Variants in SEM1 observed in about 807,000 individuals in gnomAD.
SEM1 encodes SEM1 26S proteasome subunit.
SEM1 carries 3 observed loss-of-function variants against 12.7 expected under a neutral mutation model. That is an observed-to-expected ratio of 0.24 (90% CI 0.11 to 0.61). The LOEUF is 0.61. Among genes scored for constraint, SEM1 ranks in the 20% least tolerant of loss-of-function variants. The pLI is 0.88. For missense variants in SEM1, 59 were observed against 81.3 expected, an observed-to-expected ratio of 0.73 and a Z score of 1.06; for synonymous variants, 30 against 27.8, an observed-to-expected ratio of 1.08 and a Z score of -0.25.
intron 1 of SEM1, among the ~76,000 whole-genome samples, chr7:96,706,897 A>G (rs1366393684): frequency 6.6e-6 from 1 of 152,146 alleles, no homozygotes; most frequent in Non-Finnish European, 1.5e-5. Context: ...AACAACACCA[A>G]TTTTAATTTG....
chr7:96,539,152 G>C (rs139617968), intron 2 of SEM1, among the ~76,000 whole-genome samples: 293 of 151,898 alleles, frequency 1.9e-3, no homozygotes, highest in Non-Finnish European at 3.4e-3. Context: ...GCCAGCAACT[G>C]TATGGATGAG....
chr7:96,619,842 T>C (rs1046203551), downstream of SEM1, among the ~76,000 whole-genome samples: 2 of 152,018 alleles, frequency 1.3e-5, no homozygotes, highest in African/African-American at 4.8e-5. Flanking sequence ...TTCCCCTAGA[T>C]GGGTGGCAGG....
chr7:96,648,886 T>A (rs1808882121), intron 2 of SEM1, among the ~76,000 whole-genome samples: 2 of 152,224 alleles, frequency 1.3e-5, no homozygotes, highest in South Asian at 4.1e-4. Flanking sequence ...ATATATCAGC[T>A]GTCTGAGCTT....
chr7:96,685,418 G>A (rs141978218), downstream of SEM1, among the ~76,000 whole-genome samples: 229 of 152,062 alleles, frequency 1.5e-3, no homozygotes, highest in African/African-American at 5.3e-3. Flanking sequence ...CTACCATGGA[G>A]TAAATTTGCA....
chr7:96,527,728 G>A (rs1804512671), intron 2 of SEM1, among the ~76,000 whole-genome samples: 1 of 152,042 alleles, frequency 6.6e-6, no homozygotes, highest in Admixed American at 6.6e-5. Context: ...GGTAAATTAT[G>A]CTTTTCATGA....
chr7:96,604,388 G>A lies in SEM1; in HGVS notation c.170+90410C>T, dbSNP rs75391709. 3.8e-3 allele frequency among the ~76,000 whole-genome samples: 586 copies of A among 152,242 alleles called. 3 individuals carry two copies. Among genetic ancestry groups the A allele is most frequent in the African/African-American group, 0.013 (554 of 41,534 alleles). ...TGGTTGCCCCCTTTCATCAACATCAGTAGGTTGATAACCTCTGATGTCCCT... is the reference window on the plus strand; with the variant it reads ...TGGTTGCCCCCTTTCATCAACATCAATAGGTTGATAACCTCTGATGTCCCT... On this transcript the variant is annotated intron_variant and NMD_transcript_variant, in intron 2 of 3. Transcript: ENST00000466986.
At chr7:96,583,210 T>G (rs1402139760) in intron 2 of SEM1, among the ~76,000 whole-genome samples, 1 of 150,000 alleles carries the variant, frequency 6.7e-6, no homozygotes, top group Admixed American at 6.7e-5. Flanking sequence ...TCTTTATTTC[T>G]GCCTTCATTT....
At chr7:96,483,595 G>C (rs1383002816) in exon 4 of SEM1, 1 of 447,140 alleles carries the variant, frequency 2.2e-6, no homozygotes, top group East Asian at 4.6e-5. Context: ...CAGCCTGTTG[G>C]AGAAGTCACT....
At chr7:96,695,503 T>G (rs1203848661) in intron 1 of SEM1, 1 of 151,958 alleles carries the variant, frequency 6.6e-6, no homozygotes, top group African/African-American at 2.4e-5. Context: ...TTTAGAATGG[T>G]GAGAAAGTAC....
chr7:96,680,293 T>A (rs1165981662), intron 2 of SEM1, among the ~76,000 whole-genome samples: 1 of 152,036 alleles, frequency 6.6e-6, no homozygotes, highest in Non-Finnish European at 1.5e-5. Context: ...TGAATCCTTA[T>A]CTCTATTCTA....
chr7:96,506,439 G>A (rs1174843334), intron 3 of SEM1, among the ~76,000 whole-genome samples: 1 of 151,840 alleles, frequency 6.6e-6, no homozygotes, highest in Non-Finnish European at 1.5e-5. Context: ...CCTTTTCTTG[G>A]TTATTATATA....
In SEM1 at chr7:96,539,546, G is replaced by C. The variant is rs537648491; in HGVS notation, c.171-32848C>G. Among the ~76,000 whole-genome samples the C allele has an allele frequency of 4.6e-5, 7 of 151,598 alleles. 1 individual carries two copies. Among genetic ancestry groups the C allele is most frequent in the African/African-American group, 1.7e-4 (7 of 41,392 alleles). On this transcript the variant is annotated intron_variant and NMD_transcript_variant, in intron 2 of 3. Transcript: ENST00000466986. ...AAAACAAACACAGTATAAAATTCTA[G>C]AAGAATTAGAAATTCTATTTACAAC...
At chr7:96,679,573 G>A (rs961224587) in intron 2 of SEM1, among the ~76,000 whole-genome samples, 9 of 152,006 alleles carry the variant, frequency 5.9e-5, no homozygotes, top group African/African-American at 2.2e-4. Flanking sequence ...AGATTTTTCT[G>A]AAAGACATTT....
intron 2 of SEM1, among the ~76,000 whole-genome samples, chr7:96,683,430 T>C (rs1264583978): frequency 6.6e-6 from 1 of 152,102 alleles, no homozygotes; most frequent in Non-Finnish European, 1.5e-5. Flanking sequence ...TTTTACACTG[T>C]TGGTGGGACT....
intron 1 of SEM1, among the ~76,000 whole-genome samples, chr7:96,702,093 G>A (rs1790291816): frequency 6.6e-6 from 1 of 152,076 alleles, no homozygotes; most frequent in South Asian, 2.1e-4. Context: ...GGTTAGGAAG[G>A]GGGATGACCA....
intron 2 of SEM1, among the ~76,000 whole-genome samples, chr7:96,549,148 C>T (rs973474040): frequency 6.6e-6 from 1 of 152,154 alleles, no homozygotes; most frequent in Non-Finnish European, 1.5e-5. Context: ...CCCACATATG[C>T]TGTTGGAAAA....
In SEM1 at chr7:96,643,747, T is replaced by C. The variant is rs1049739247; in HGVS notation, c.171-21104A>G. On this transcript the variant is annotated intron_variant, in intron 2 of 2. Coordinates refer to the SEM1 transcript ENST00000417009. Reference sequence around the variant, plus strand: ...GCATGTTCTCACTCATAAATGGGAGTTGAACAATGAGAACACATGGACACA... The same window carrying C: ...GCATGTTCTCACTCATAAATGGGAGCTGAACAATGAGAACACATGGACACA... Among the ~76,000 whole-genome samples, 6 of 151,734 alleles carry C rather than the reference T, an allele frequency of 4.0e-5. No homozygotes were observed. In the East Asian group the frequency reaches 7.8e-4, roughly 20 times the overall value.
At chr7:96,679,204 T>G (rs1466293302) in intron 2 of SEM1, among the ~76,000 whole-genome samples, 1 of 152,122 alleles carries the variant, frequency 6.6e-6, no homozygotes, top group Non-Finnish European at 1.5e-5. Context: ...CATTGTCATC[T>G]CTGTGGCTCA....
intron 2 of SEM1, among the ~76,000 whole-genome samples, chr7:96,523,288 T>G (rs571894429): frequency 6.6e-6 from 1 of 152,242 alleles, no homozygotes; most frequent in Admixed American, 6.5e-5. Context: ...GTTCCAACTT[T>G]CAAAGGACTT....
Sources: allele counts gnomAD v4.1 joint callset (sites outside exome capture counted in the v4.1 genomes callset), GRCh38; gene constraint gnomAD v4.1.1; transcripts MANE v1.5; gene names NCBI Gene and HGNC (gene_info 2026-07-23, HGNC 2026-07-21).